The following XKR3 variants were observed in gnomAD, a reference collection of about 807,000 sequenced individuals.
XKR3 encodes XK-related protein 3.
In XKR3, 27 loss-of-function variants were observed where a neutral mutation model predicts 40.3. The observed-to-expected ratio is 0.67, with a 90% CI of 0.49 to 0.92. The LOEUF (loss-of-function observed/expected upper bound fraction) is 0.92, where lower values mean the gene tolerates loss of function less well. XKR3 is among the 40% of genes least tolerant of loss of function. The pLI is 0.00. For missense variants in XKR3, 472 were observed against 537.6 expected (o/e 0.88, Z 1.21); for synonymous variants, 193 against 195.4 (o/e 0.99, Z 0.10).
intron 3 of XKR3, among the ~76,000 whole-genome samples, chr22:16,797,647 G>T (rs1276618365): frequency 6.6e-6 from 1 of 151,696 alleles, no homozygotes; most frequent in African/African-American, 2.4e-5. Flanking sequence ...AAAAAAATTA[G>T]CTGGGCATGG....
intron 1 of XKR3, among the ~76,000 whole-genome samples, 139 bp downstream of exon 1, chr22:16,825,152 G>A (rs1484232576): frequency 6.6e-6 from 1 of 152,064 alleles, no homozygotes; most frequent in Non-Finnish European, 1.5e-5. Flanking sequence ...ATCAAGAGAG[G>A]GAGTTTCTAG....
intron 3 of XKR3, among the ~76,000 whole-genome samples, chr22:16,790,214 G>A (rs2060108190): frequency 1.3e-5 from 2 of 148,916 alleles, no homozygotes; most frequent in South Asian, 2.1e-4. Flanking sequence ...ATAAAACACA[G>A]GGCAAACTTA....
At chr22:16,819,813 A>C (rs2060248454) in intron 1 of XKR3, among the ~76,000 whole-genome samples, 3 of 152,300 alleles carry the variant, frequency 2.0e-5, no homozygotes, top group Admixed American at 6.5e-5. Context: ...TTATGAAGAG[A>C]CTAGAAAGCC....
intron 3 of XKR3, among the ~76,000 whole-genome samples, chr22:16,792,988 GCTGA>G (rs1031747615): frequency 2.0e-5 from 3 of 152,050 alleles, no homozygotes; most frequent in Admixed American, 6.6e-5. Flanking sequence ...CTACATTCCT[GCTGA>G]CTATTTTTTA....
intron 3 of XKR3, among the ~76,000 whole-genome samples, chr22:16,790,336 C>A (rs1601839894): frequency 1.4e-5 from 1 of 69,306 alleles, no homozygotes; most frequent in African/African-American, 6.3e-5. Context: ...AGAAAGCTTC[C>A]ACGCAGAAAA....
chr22:16,790,123 G>A (rs1041446510), intron 3 of XKR3, among the ~76,000 whole-genome samples: 1 of 152,064 alleles, frequency 6.6e-6, no homozygotes, highest in African/African-American at 2.4e-5. Flanking sequence ...AGGCAATACA[G>A]TGAGACCTCA....
intron 1 of XKR3, among the ~76,000 whole-genome samples, chr22:16,814,052 A>G (rs948232032): frequency 6.6e-5 from 10 of 152,220 alleles, no homozygotes; most frequent in Admixed American, 6.5e-4. Context: ...ATGAAGTTCA[A>G]TTTAGTTGAT....
At chr22:16,808,253 C>T (rs1233407344) in intron 1 of XKR3, among the ~76,000 whole-genome samples, 170 bp from the exon 2 acceptor site, 5 of 152,116 alleles carry the variant, frequency 3.3e-5, no homozygotes, top group African/African-American at 1.2e-4. Context: ...GAATATTGAA[C>T]TATGATGTCT....
intron 1 of XKR3, among the ~76,000 whole-genome samples, chr22:16,808,647 G>T (rs145175322): frequency 6.6e-6 from 1 of 152,118 alleles, no homozygotes; most frequent in African/African-American, 2.4e-5. Context: ...ATCTAGTAAA[G>T]TTTCAATTTA....
At chr22:16,808,986 A>G (rs1158396569) in intron 1 of XKR3, among the ~76,000 whole-genome samples, 2 of 152,200 alleles carry the variant, frequency 1.3e-5, no homozygotes, top group Admixed American at 1.3e-4. Context: ...AAGAAAGATA[A>G]TATTTCCCCA....
intron 3 of XKR3, among the ~76,000 whole-genome samples, chr22:16,793,162 T>A (rs2060127430): frequency 1.3e-5 from 2 of 152,072 alleles, no homozygotes; most frequent in South Asian, 4.1e-4. Context: ...ACAGGCATGC[T>A]CCACCACGCC....
intron 1 of XKR3, among the ~76,000 whole-genome samples, chr22:16,808,586 T>C (rs1274383191): frequency 6.6e-6 from 1 of 152,220 alleles, no homozygotes; most frequent in Non-Finnish European, 1.5e-5. Context: ...TGTTGGTTAT[T>C]TGCATTTAAA....
chr22:16,818,690 C>A (rs2060243593), intron 1 of XKR3, among the ~76,000 whole-genome samples: 1 of 152,092 alleles, frequency 6.6e-6, no homozygotes, highest in Admixed American at 6.6e-5. Context: ...TCAGAGGAGG[C>A]AGCTAATCTT....
At chr22:16,824,757 T>C (rs1480597905) in intron 1 of XKR3, among the ~76,000 whole-genome samples, 1 of 152,178 alleles carries the variant, frequency 6.6e-6, no homozygotes, top group African/African-American at 2.4e-5. Flanking sequence ...TCCTTCTCCT[T>C]TGGACTCACA....
At position 16,796,178 on chromosome 22, in the gene XKR3, A is replaced by G. The variant is rs1486716845; in HGVS notation, c.589+3593T>C. 4.6e-5 allele frequency among the ~76,000 whole-genome samples: 7 copies of G among 152,316 alleles called. No individual in the cohort carries two copies. The East Asian group carries it at 1.2e-3, about 25-fold the overall frequency. On this transcript the variant is annotated intron_variant, in intron 3 of 3. Transcript: ENST00000684488. Reference sequence around the variant, plus strand: ...GAAGAGATTGAAACTGAATAGGCCAATATCTATGCCTTAAATTGTTTAGGT... The same window carrying G: ...GAAGAGATTGAAACTGAATAGGCCAGTATCTATGCCTTAAATTGTTTAGGT...
intron 3 of XKR3, among the ~76,000 whole-genome samples, chr22:16,785,135 G>A (rs1414165853): frequency 6.6e-6 from 1 of 152,148 alleles, no homozygotes; most frequent in African/African-American, 2.4e-5. Context: ...GGCTAACACG[G>A]TGAAACCCAG....
intron 3 of XKR3, among the ~76,000 whole-genome samples, chr22:16,790,848 G>T (rs2060112815): frequency 6.6e-6 from 1 of 151,432 alleles, no homozygotes; most frequent in East Asian, 1.9e-4. Context: ...ACCTCATCCT[G>T]GTTGGAACAG....
chr22:16,820,921 C>A (rs1232348373), intron 1 of XKR3, among the ~76,000 whole-genome samples: 3 of 152,092 alleles, frequency 2.0e-5, no homozygotes, highest in African/African-American at 4.8e-5. Context: ...TTCATGAATA[C>A]CCCTCTTTTG....
chr22:16,785,174 G>T (rs1226638579), intron 3 of XKR3, among the ~76,000 whole-genome samples: 1 of 152,082 alleles, frequency 6.6e-6, no homozygotes, highest in Non-Finnish European at 1.5e-5. Context: ...AAAATTAGCC[G>T]GGCGTAGTGG....
Sources: allele counts gnomAD v4.1 joint callset (sites outside exome capture counted in the v4.1 genomes callset), GRCh38; gene constraint gnomAD v4.1.1; transcripts MANE v1.5; gene names NCBI Gene and HGNC (gene_info 2026-07-23, HGNC 2026-07-21).